Variants in ASNS observed in about 807,000 individuals in gnomAD.
ASNS encodes the protein asparagine synthetase (glutamine-hydrolyzing).
ASNS carries 37 observed loss-of-function variants against 62.6 expected under a neutral mutation model. The observed-to-expected ratio is 0.59, with a 90% CI of 0.45 to 0.78. ASNS has a LOEUF of 0.78. Ranked by LOEUF, ASNS falls within the 30% of genes least tolerant of loss-of-function variation. The pLI is 0.00. For missense variants in ASNS, 520 were observed against 682.4 expected, an observed-to-expected ratio of 0.76 and a Z score of 2.65; for synonymous variants, 207 against 237.9, an observed-to-expected ratio of 0.87 and a Z score of 1.19.
At chr7:97,926,677 A>T in the ASNS span, among the ~76,000 whole-genome samples, 2 of 152,202 alleles carry the variant, frequency 1.3e-5, no homozygotes, top group East Asian at 3.8e-4. Context: ...GAGCAGATAC[A>T]GGCGCCGCGA....
chr7:97,866,787 T>C (rs1791994077), intron 3 of ASNS, among the ~76,000 whole-genome samples: 1 of 152,238 alleles, frequency 6.6e-6, no homozygotes, highest in African/African-American at 2.4e-5. Context: ...TGTCCAAAAA[T>C]GGGCTTTGCC....
chr7:97,871,503 TA>T (rs35467050), intron 1 of ASNS, among the ~76,000 whole-genome samples: 7,015 of 150,428 alleles, frequency 0.047, 606 homozygotes, highest in African/African-American at 0.16. Flanking sequence ...ATTTAAAATT[TA>T]AAAAAAAAAA....
In ASNS at chr7:97,854,632, C is replaced by T. The variant is rs1210340204; in HGVS notation, c.1186G>A (p.Glu396Lys). Residue 396 changes from glutamate (E) to lysine (K), a missense_variant, in exon 10 of 13, where the codon GAA (glutamate) becomes AAA (lysine). By Grantham distance (56) the Glu-to-Lys change is moderately conservative (BLOSUM62 1). Coordinates refer to ENST00000394308, the MANE Select transcript of ASNS (RefSeq NM_001673.5). ...AEEESERLLR[E>K]LYLFDVLRAD... Reference sequence around the variant, plus strand: ...CGGAGAACATCAAACAAATAGAGTTCCCTCAGAAGCCTCTCACTCTCCTCC... The same window carrying T: ...CGGAGAACATCAAACAAATAGAGTTTCCTCAGAAGCCTCTCACTCTCCTCC... The T allele has an allele frequency of 6.2e-7, 1 of 1,613,978 alleles. No individual in the cohort carries two copies. The highest frequency in any genetic ancestry group is 1.3e-5 in the African/African-American group (1 of 74,920).
chr7:97,855,601 A>T (rs1054286855), intron 8 of ASNS, 142 bp from the exon 9 acceptor site: 2 of 517,164 alleles, frequency 3.9e-6, no homozygotes, highest in Admixed American at 3.2e-5. Flanking sequence ...CACAATAATG[A>T]CCTTGTATTT....
At chr7:97,909,667 C>T in the ASNS span, among the ~76,000 whole-genome samples, 2 of 152,036 alleles carry the variant, frequency 1.3e-5, no homozygotes, top group Admixed American at 6.5e-5. Context: ...GTCAGAATGG[C>T]CCCCACGTGG....
chr7:97,869,026 C>T lies in ASNS; in HGVS notation c.131G>A (p.Cys44Tyr). The T allele has an allele frequency of 6.2e-7, 1 of 1,614,204 alleles. No individual in the cohort carries two copies. Among genetic ancestry groups the T allele is most frequent in the Non-Finnish European group, 8.5e-7 (1 of 1,180,042 alleles). The stretch of plus-strand genomic sequence containing the variant: ...TACCGCCAACCGGTGAAATCCAAAG[C>T]AGCAGTTGGTGTATCCATTGACATT... ...FENVNGYTNCCFGFHRLAVVD... is the reference protein window; with the variant it reads ...FENVNGYTNCYFGFHRLAVVD... The change falls in exon 3 of 13, where the codon TGC (cysteine) becomes TAC (tyrosine). Residue 44 changes from cysteine (C) to tyrosine (Y), a missense_variant. Coordinates refer to ENST00000394308, the MANE Select transcript of ASNS (RefSeq NM_001673.5).
At chr7:97,899,951 C>T in the ASNS span, among the ~76,000 whole-genome samples, 1 of 152,286 alleles carries the variant, frequency 6.6e-6, no homozygotes, top group South Asian at 2.1e-4. Flanking sequence ...GGAAGACATA[C>T]AAGTGGCCAA....
the ASNS span, among the ~76,000 whole-genome samples, chr7:97,910,801 C>G: frequency 1.3e-5 from 2 of 151,996 alleles, no homozygotes; most frequent in African/African-American, 4.8e-5. Context: ...AGGGTTTCAC[C>G]ATGTTGGTCA....
In ASNS at chr7:97,864,184, G is replaced by T; in HGVS notation, c.487+75C>A. On this transcript the variant is annotated intron_variant, in intron 4 of 12. Transcript: ENST00000394308. ...TAAAATTCTGGATTGCTCTCTAAGA[G>T]ATTTTCAAATATAATTTAAAAGAAA... 5 of 1,360,786 alleles carry T rather than the reference G, an allele frequency of 3.7e-6. No homozygotes were observed. In the South Asian group the frequency reaches 4.3e-5, roughly 12 times the overall value. 84.3% of individuals were successfully genotyped at this position (1,360,786 alleles called of 1,614,324 possible). A position where few individuals can be genotyped will look rare whatever the true frequency, so the allele number is the denominator to read the frequency against.
the ASNS span, among the ~76,000 whole-genome samples, chr7:97,900,376 A>AAAAAAAAAAAAC: frequency 6.6e-6 from 1 of 151,096 alleles, no homozygotes; most frequent in Non-Finnish European, 1.5e-5. Context: ...AAAAAAAAAA[A>AAAAAAAAAAAAC]AAAAAAAACA....
At chr7:97,892,249 C>G in the ASNS span, among the ~76,000 whole-genome samples, 154 of 152,262 alleles carry the variant, frequency 1.0e-3, no homozygotes, top group African/African-American at 3.5e-3. Context: ...AGGACTCAGG[C>G]ACCCTAGGCT....
At chr7:97,909,151 A>C in the ASNS span, 1 of 152,190 alleles carries the variant, frequency 6.6e-6, no homozygotes, top group Admixed American at 6.5e-5. Context: ...CCAAGTCCCC[A>C]TCTCATGCGT....
At chr7:97,852,588 G>A (rs1383580213) in intron 12 of ASNS, 120 bp from the exon 13 acceptor site, 1 of 948,968 alleles carries the variant, frequency 1.1e-6, no homozygotes, top group Non-Finnish European at 1.6e-6. Context: ...GAGACCCTTT[G>A]AATCACCCAT....
chr7:97,868,308 AAAAT>A, intron 3 of ASNS, among the ~76,000 whole-genome samples: 1 of 152,272 alleles, frequency 6.6e-6, no homozygotes, highest in African/African-American at 2.4e-5. Flanking sequence ...ACTCTGTCTC[AAAAT>A]AAATAAATAA....
At chr7:97,852,747 A>C (rs2115586578) in intron 12 of ASNS, among the ~76,000 whole-genome samples, 1 of 152,346 alleles carries the variant, frequency 6.6e-6, no homozygotes, top group South Asian at 2.1e-4. Context: ...CAAAAATCTG[A>C]TAAATGAAAA....
At chr7:97,918,321 C>A in the ASNS span, among the ~76,000 whole-genome samples, 1 of 152,220 alleles carries the variant, frequency 6.6e-6, no homozygotes, top group African/African-American at 2.4e-5. Flanking sequence ...ACCTAGACAG[C>A]CCACCTCCAG....
At chr7:97,878,609 G>A in the ASNS span, among the ~76,000 whole-genome samples, 1 of 152,124 alleles carries the variant, frequency 6.6e-6, no homozygotes. Context: ...CTTCTTCAAG[G>A]AAAACTACAA....
chr7:97,866,624 A>G (rs1310283327), intron 3 of ASNS, among the ~76,000 whole-genome samples: 1 of 152,238 alleles, frequency 6.6e-6, no homozygotes, highest in African/African-American at 2.4e-5. Flanking sequence ...AAGAGGTTTA[A>G]ATCAGGTGGA....
intron 10 of ASNS, 27 bp from the exon 11 acceptor site, chr7:97,853,413 A>T: frequency 6.3e-7 from 1 of 1,590,074 alleles, no homozygotes; most frequent in South Asian, 1.1e-5. Flanking sequence ...AGAAAATCTA[A>T]ATTAAAATGG....
Sources: gnomAD v4.1 joint callset for allele counts (sites outside exome capture counted in the v4.1 genomes callset) on GRCh38, gnomAD v4.1.1 for gene constraint, MANE v1.5 for transcripts, NCBI Gene and HGNC (gene_info 2026-07-23, HGNC 2026-07-21) for gene names.